ACACB: variants seen among roughly 807,000 people sequenced by gnomAD.
ACACB encodes the protein acetyl-CoA carboxylase 2.
A neutral mutation model predicts 278.8 loss-of-function variants in ACACB; 209 were observed. The ratio of observed to expected loss-of-function variants is 0.75; its 90% CI spans 0.67 to 0.84. ACACB has a LOEUF of 0.84. Ranked by LOEUF, ACACB falls within the 40% of genes least tolerant of loss-of-function variation. ACACB has a pLI of 0.00. For missense variants in ACACB, 2,850 were observed against 3,269.0 expected (o/e 0.87, Z 3.13); for synonymous variants, 1,174 against 1,285.6 (o/e 0.91, Z 1.86).
intron 4 of ACACB, among the ~76,000 whole-genome samples, chr12:109,171,428 C>G (rs1007060632): frequency 2.0e-5 from 3 of 151,934 alleles, no homozygotes; most frequent in Admixed American, 2.0e-4. Flanking sequence ...CAGCTCACTG[C>G]TACCTCCGCC....
chr12:109,191,531 G>T (rs2044882717), intron 13 of ACACB, 82 bp from the exon 14 acceptor site: 2 of 1,564,344 alleles, frequency 1.3e-6, no homozygotes, highest in South Asian at 2.4e-5. Flanking sequence ...TGCTTTTCCA[G>T]TTCTCTGAAT....
chr12:109,210,485 G>GTATA (rs1233188296), intron 21 of ACACB, among the ~76,000 whole-genome samples: 1 of 145,530 alleles, frequency 6.9e-6, no homozygotes, highest in Admixed American at 6.9e-5. Context: ...GTGTATATGT[G>GTATA]TATATATACA....
chr12:109,117,047 CTTTTTTT>C (rs71747045), intron 1 of ACACB, among the ~76,000 whole-genome samples: 2 of 109,100 alleles, frequency 1.8e-5, no homozygotes, highest in East Asian at 2.6e-4. Flanking sequence ...AATGGTTGTT[CTTTTTTT>C]TTTTTTTTTT....
Position 109,262,487 on chromosome 12 carries a change from G to A in ACACB, c.6787+18G>A, listed in dbSNP as rs368881213. 129 of 1,582,248 alleles carry A rather than the reference G, an allele frequency of 8.2e-5. No individual in the cohort carries two copies. The highest frequency in any genetic ancestry group is 1.1e-4 in the Non-Finnish European group (127 of 1,152,892). Reference sequence around the variant, plus strand: ...ACAGCTAGGTAAGGGGGTCCCAAAGGCTTCACCTCTCAGAGGTCAAGAGAG... The same window carrying A: ...ACAGCTAGGTAAGGGGGTCCCAAAGACTTCACCTCTCAGAGGTCAAGAGAG... On this transcript the variant is annotated intron_variant, in intron 49 of 52. Transcript: ENST00000338432.
At chr12:109,261,985 G>T (rs1039939394) in intron 48 of ACACB, among the ~76,000 whole-genome samples, 1 of 152,036 alleles carries the variant, frequency 6.6e-6, no homozygotes, top group East Asian at 1.9e-4. Context: ...GATTTAAAGC[G>T]ATCAGAAACA....
intron 1 of ACACB, among the ~76,000 whole-genome samples, chr12:109,119,240 TCATAC>T (rs1415877960): frequency 6.6e-6 from 1 of 152,146 alleles, no homozygotes; most frequent in Non-Finnish European, 1.5e-5. Context: ...CTCTCTGGGC[TCATAC>T]CTTAGCCACT....
At chr12:109,211,126 T>C (rs983498363) in intron 21 of ACACB, among the ~76,000 whole-genome samples, 3 of 151,452 alleles carry the variant, frequency 2.0e-5, no homozygotes, top group African/African-American at 7.3e-5. Context: ...GGTGGGAGGG[T>C]TCCCCACCAT....
rs542078407 is a variant in ACACB, at chr12:109,266,424, G to T, written c.*62G>T. On this transcript the variant is annotated 3_prime_UTR_variant, in exon 53 of 53. Coordinates refer to ENST00000338432, the MANE Select transcript of ACACB (RefSeq NM_001093.4). Reference sequence around the variant, plus strand: ...AAGGAACCACCCAGACCCACCACCCGTACACCCTCAGCAGACCCTGAAGAC... The same window carrying T: ...AAGGAACCACCCAGACCCACCACCCTTACACCCTCAGCAGACCCTGAAGAC... 3.3e-6 allele frequency: 5 copies of T among 1,509,316 alleles called. No homozygotes were observed. The highest frequency in any genetic ancestry group is 4.2e-5 in the Admixed American group (2 of 48,014). The allele number at this position is 1,509,316 out of a possible 1,614,324, so 93.5% of individuals were successfully genotyped here.
chr12:109,114,553 A>T (rs942244213), upstream of ACACB, among the ~76,000 whole-genome samples: 18 of 151,758 alleles, frequency 1.2e-4, no homozygotes, highest in Admixed American at 2.6e-4. Context: ...TCACTTAATA[A>T]TTTTTTTTGG....
In ACACB at chr12:109,260,569, T is replaced by TGGG. The variant is rs769207540; in HGVS notation, c.6586_6587insGGG (p.Tyr2196delinsTrpAsp). The TGGG allele has an allele frequency of 4.3e-6, 7 of 1,613,890 alleles. No homozygotes were observed. Among genetic ancestry groups the TGGG allele is most frequent in the Non-Finnish European group, 5.9e-6 (7 of 1,179,926 alleles). ...GCCCATCCTGATCTATATCCCGCCC[T>TGGG]ATGCGGAGCTCCGGGGAGGCTCCTG... On this transcript the variant is annotated protein_altering_variant, in exon 48 of 53. Coordinates refer to ENST00000338432, the MANE Select transcript of ACACB (RefSeq NM_001093.4).
In ACACB at chr12:109,199,319, G is replaced by A; in HGVS notation, c.2628-83G>A. ...GGGTACACTCCCCCTTTAGGAAGGGGAAATGGTATTGAAAGCCGGACTAGG... is the reference window on the plus strand; with the variant it reads ...GGGTACACTCCCCCTTTAGGAAGGGAAAATGGTATTGAAAGCCGGACTAGG... On this transcript the variant is annotated intron_variant, in intron 17 of 52. Transcript: ENST00000338432. 2.5e-6 allele frequency: 3 copies of A among 1,213,960 alleles called. No individual in the cohort carries two copies. In the South Asian group the frequency reaches 8.2e-5, roughly 33 times the overall value. 75.2% of individuals were successfully genotyped at this position (1,213,960 alleles called of 1,614,324 possible).
At chr12:109,148,105 C>T (rs1177256210) in intron 2 of ACACB, among the ~76,000 whole-genome samples, 2 of 152,208 alleles carry the variant, frequency 1.3e-5, no homozygotes, top group East Asian at 3.9e-4. Context: ...CTCCTCCCAT[C>T]TCCTCCCCTT....
At chr12:109,208,997 C>A (rs1490884076) in intron 20 of ACACB, among the ~76,000 whole-genome samples, 168 bp from the exon 21 acceptor site, 5 of 152,142 alleles carry the variant, frequency 3.3e-5, no homozygotes, top group Non-Finnish European at 5.9e-5. Context: ...CCCCTGTGGT[C>A]AGGGGGCCAT....
chr12:109,191,404 G>A (rs1240238992), intron 13 of ACACB: 1 of 453,826 alleles, frequency 2.2e-6, no homozygotes, highest in Non-Finnish European at 4.0e-6. Context: ...GGTAGAGATG[G>A]GGTTTCGCCA....
intron 9 of ACACB, among the ~76,000 whole-genome samples, chr12:109,178,537 CTG>C (rs908857606): frequency 6.6e-6 from 1 of 152,162 alleles, no homozygotes; most frequent in African/African-American, 2.4e-5. Flanking sequence ...GGGGATGTGA[CTG>C]TGGGAGATTT....
At chr12:109,245,125 G>A (rs759559) in intron 37 of ACACB, among the ~76,000 whole-genome samples, 71,178 of 151,590 alleles carry the variant, frequency 0.47, 17,752 homozygotes, top group East Asian at 0.68. Context: ...CAGAGGTTGC[G>A]GTGAGCTGAG....
chr12:109,254,062 A>G lies in ACACB; in HGVS notation c.6046-152A>G, dbSNP rs139554217. On this transcript the variant is annotated intron_variant, in intron 43 of 52. Coordinates refer to ENST00000338432, the MANE Select transcript of ACACB (RefSeq NM_001093.4). ...ATGGGATGGCCAGTCCTTATCTGGC[A>G]TTTTCCAATCAGAGCAGTGGCTTCA... is the stretch of plus-strand genomic sequence containing the variant. 185 of 898,218 alleles carry G rather than the reference A, an allele frequency of 2.1e-4. 1 individual carries two copies. In the East Asian group the frequency reaches 4.8e-3, roughly 23 times the overall value. 55.6% of individuals were successfully genotyped at this position (898,218 alleles called of 1,614,324 possible). A position where few individuals can be genotyped will look rare whatever the true frequency, so the allele number is the denominator to read the frequency against.
chr12:109,165,072 A>G (rs1316896750), intron 2 of ACACB, among the ~76,000 whole-genome samples: 1 of 152,184 alleles, frequency 6.6e-6, no homozygotes, highest in Non-Finnish European at 1.5e-5. Flanking sequence ...CATCATTGTC[A>G]TGCGCCTTGC....
chr12:109,127,940 A>C (rs547422591), intron 1 of ACACB, among the ~76,000 whole-genome samples: 1 of 152,200 alleles, frequency 6.6e-6, no homozygotes, highest in African/African-American at 2.4e-5. Flanking sequence ...TTTGCTAATC[A>C]CAGCTCCTGC....
Sources: allele counts gnomAD v4.1 joint callset (sites outside exome capture counted in the v4.1 genomes callset), GRCh38; gene constraint gnomAD v4.1.1; transcripts MANE v1.5; gene names NCBI Gene and HGNC (gene_info 2026-07-23, HGNC 2026-07-21).